DPF3: variants seen among roughly 807,000 people sequenced by gnomAD.
DPF3 encodes the protein double PHD fingers 3.
DPF3 carries 18 observed loss-of-function variants against 56.8 expected under a neutral mutation model. The ratio of observed to expected loss-of-function variants is 0.32; its 90% CI spans 0.22 to 0.47. DPF3 has a LOEUF of 0.47. Ranked by LOEUF, DPF3 falls within the 20% of genes least tolerant of loss-of-function variation. The pLI, the probability that DPF3 is intolerant of heterozygous loss-of-function variation, is 1.00. For synonymous variants in DPF3, 188 were observed against 180.2 expected (o/e 1.04, Z -0.35); for missense variants, 403 against 488.8 (o/e 0.82, Z 1.65).
chr14:72,709,426 A>G (rs1888558515), intron 6 of DPF3, among the ~76,000 whole-genome samples: 2 of 152,120 alleles, frequency 1.3e-5, no homozygotes, highest in African/African-American at 4.8e-5. Flanking sequence ...AAGACTGGAA[A>G]TCATATAATT....
intron 1 of DPF3, among the ~76,000 whole-genome samples, chr14:72,811,535 A>C (rs922654888): frequency 2.0e-5 from 3 of 152,176 alleles, no homozygotes; most frequent in African/African-American, 7.2e-5. Context: ...GAAGTTACCC[A>C]GTCTGTGGCA....
rs549868818 is a variant in DPF3, at chr14:72,706,230, G to A, written c.604+8193C>T. On this transcript the variant is annotated intron_variant, in intron 6 of 10. Transcript: ENST00000556509. The stretch of plus-strand genomic sequence containing the variant: ...TGGGCACACCCATCCACCCCTGGGG[G>A]CCAATATCAATTCCATCCATGCGCC... Among the ~76,000 whole-genome samples, 83 of 152,262 alleles carry A rather than the reference G, an allele frequency of 5.5e-4. 3 individuals carry two copies. In the South Asian group the frequency reaches 0.017, roughly 30 times the overall value.
At chr14:72,654,963 T>C (rs2153568819) in intron 8 of DPF3, among the ~76,000 whole-genome samples, 1 of 152,280 alleles carries the variant, frequency 6.6e-6, no homozygotes. Flanking sequence ...ACAGTCTACT[T>C]TAACTAAAGA....
chr14:72,720,646 C>T (rs774181237), intron 5 of DPF3, among the ~76,000 whole-genome samples: 28 of 152,326 alleles, frequency 1.8e-4, no homozygotes, highest in Non-Finnish European at 3.5e-4. Context: ...ATCATTCATT[C>T]GACAAGCTAA....
intron 8 of DPF3, among the ~76,000 whole-genome samples, chr14:72,659,381 C>A (rs746340005): frequency 1.3e-5 from 2 of 152,186 alleles, no homozygotes; most frequent in South Asian, 2.1e-4. Flanking sequence ...CAGTGACCAT[C>A]TATAGACAGA....
chr14:72,891,067 C>G (rs1208434401), intron 1 of DPF3, among the ~76,000 whole-genome samples: 3 of 152,144 alleles, frequency 2.0e-5, no homozygotes, highest in African/African-American at 7.2e-5. Context: ...AGGAAAACCC[C>G]AAAGCAATGA....
At chr14:72,892,938 T>C (rs7150625) in intron 1 of DPF3, among the ~76,000 whole-genome samples, 138,363 of 146,434 alleles carry the variant, frequency 0.94, 65,453 homozygotes, top group East Asian at 0.99. Context: ...ACAGTTCCAC[T>C]GACTGGAAGG....
At chr14:72,863,937 C>G (rs1567262363) in intron 1 of DPF3, among the ~76,000 whole-genome samples, 1 of 152,156 alleles carries the variant, frequency 6.6e-6, no homozygotes, top group Non-Finnish European at 1.5e-5. Context: ...GGGAAGAAGT[C>G]CTGGCAGAGA....
chr14:72,817,093 TCTCA>T (rs760368620), intron 1 of DPF3, among the ~76,000 whole-genome samples: 2 of 152,094 alleles, frequency 1.3e-5, no homozygotes, highest in African/African-American at 2.4e-5. Context: ...CAATCACCTC[TCTCA>T]GAGGCTCACA....
At chr14:72,833,783 T>C (rs546006048) in intron 1 of DPF3, among the ~76,000 whole-genome samples, 1 of 152,246 alleles carries the variant, frequency 6.6e-6, no homozygotes, top group African/African-American at 2.4e-5. Flanking sequence ...AATTTAAAAA[T>C]GGGCAAATAA....
chr14:72,852,111 C>T (rs1885007681), intron 1 of DPF3, among the ~76,000 whole-genome samples: 1 of 152,210 alleles, frequency 6.6e-6, no homozygotes. Flanking sequence ...GGCTTTCAGC[C>T]CCAGTTCTGG....
chr14:72,732,878 T>C (rs547605179), intron 3 of DPF3, among the ~76,000 whole-genome samples: 2 of 151,938 alleles, frequency 1.3e-5, no homozygotes, highest in South Asian at 2.1e-4. Context: ...CCATTCTCTC[T>C]TTCTTTCTTT....
intron 1 of DPF3, among the ~76,000 whole-genome samples, chr14:72,826,221 T>TCTCTCTAAGACATGCATCAAAG (rs1202254858): frequency 3.3e-5 from 5 of 152,202 alleles, no homozygotes; most frequent in Admixed American, 3.3e-4. Context: ...ATTTTCCTTA[T>TCTCTCTAAGACATGCATCAAAG]CTCTCTAAGA....
chr14:72,773,982 C>A (rs921187819), intron 1 of DPF3: 2 of 454,582 alleles, frequency 4.4e-6, no homozygotes, highest in African/African-American at 4.0e-5. Context: ...ATACAAATAT[C>A]TTTTCAAAAC....
At chr14:72,695,769 G>A (rs1887874883) in intron 6 of DPF3, among the ~76,000 whole-genome samples, 1 of 152,030 alleles carries the variant, frequency 6.6e-6, no homozygotes, top group Admixed American at 6.6e-5. Flanking sequence ...ATTGGATGAT[G>A]GGTTTAATAG....
chr14:72,749,243 T>C (rs1363420762), intron 3 of DPF3, among the ~76,000 whole-genome samples: 1 of 152,186 alleles, frequency 6.6e-6, no homozygotes, highest in Non-Finnish European at 1.5e-5. Context: ...TCAAAGGAGA[T>C]CATTTTGGAG....
intron 8 of DPF3, chr14:72,670,815 C>A: frequency 9.0e-7 from 1 of 1,108,650 alleles, no homozygotes; most frequent in Non-Finnish European, 1.1e-6. Flanking sequence ...TCAAAAAGAC[C>A]CCCTCCCCTC....
intron 7 of DPF3, among the ~76,000 whole-genome samples, chr14:72,691,707 C>T (rs1283878695): frequency 6.7e-6 from 1 of 149,872 alleles, no homozygotes; most frequent in Non-Finnish European, 1.5e-5. Context: ...AGCCTGGCGA[C>T]AGAGAAAGAC....
chr14:72,785,243 A>G (rs926012404), intron 1 of DPF3, among the ~76,000 whole-genome samples: 4 of 152,232 alleles, frequency 2.6e-5, no homozygotes, highest in Non-Finnish European at 5.9e-5. Context: ...TTTATTGAGC[A>G]TTTACTATGT....
Sources: gnomAD v4.1 joint callset for allele counts (sites outside exome capture counted in the v4.1 genomes callset) on GRCh38, gnomAD v4.1.1 for gene constraint, MANE v1.5 for transcripts, NCBI Gene and HGNC (gene_info 2026-07-23, HGNC 2026-07-21) for gene names.